Variants in FHIT observed in about 807,000 individuals in gnomAD.
FHIT encodes the protein bis(5'-adenosyl)-triphosphatase.
A neutral mutation model predicts 17.9 loss-of-function variants in FHIT; 19 were observed. The ratio of observed to expected loss-of-function variants is 1.06; its 90% CI spans 0.74 to 1.56. The LOEUF (loss-of-function observed/expected upper bound fraction) is 1.56, where lower values mean the gene tolerates loss of function less well. FHIT is among the 40% of genes most tolerant of loss of function. The pLI is 0.00. For missense variants in FHIT, 248 were observed against 189.2 expected, an observed-to-expected ratio of 1.31 and a Z score of -1.82; for synonymous variants, 81 against 69.7, an observed-to-expected ratio of 1.16 and a Z score of -0.81.
At chr3:60,858,689 GGA>G (rs1464602152) in intron 3 of FHIT, among the ~76,000 whole-genome samples, 1 of 152,036 alleles carries the variant, frequency 6.6e-6, no homozygotes, top group Admixed American at 6.6e-5. Context: ...ACCACTAATC[GGA>G]GACAGATGAG....
intron 3 of FHIT, among the ~76,000 whole-genome samples, chr3:60,902,484 T>C (rs1312084472): frequency 1.3e-5 from 2 of 152,236 alleles, no homozygotes; most frequent in African/African-American, 2.4e-5. Context: ...GTTCCAGAGA[T>C]GCCCATAGCC....
At chr3:60,526,275 G>A (rs957832193) in intron 5 of FHIT, among the ~76,000 whole-genome samples, 1 of 152,054 alleles carries the variant, frequency 6.6e-6, no homozygotes, top group Admixed American at 6.6e-5. Context: ...TTTCCAGGAA[G>A]GTAGTAAAGT....
At chr3:60,259,078 G>C (rs1386558952) in intron 5 of FHIT, among the ~76,000 whole-genome samples, 1 of 151,278 alleles carries the variant, frequency 6.6e-6, no homozygotes, top group Non-Finnish European at 1.5e-5. Flanking sequence ...GACCTACCTT[G>C]ATGTGGTTCC....
chr3:60,334,202 T>C (rs1000792865), intron 5 of FHIT, among the ~76,000 whole-genome samples: 4 of 152,222 alleles, frequency 2.6e-5, no homozygotes, highest in Admixed American at 1.3e-4. Context: ...AAAATAATTG[T>C]ATAGTTATAT....
intron 8 of FHIT, among the ~76,000 whole-genome samples, chr3:59,908,582 A>G (rs1406943735): frequency 6.6e-6 from 1 of 152,162 alleles, no homozygotes; most frequent in Non-Finnish European, 1.5e-5. Context: ...AAAGTGGATT[A>G]CTTGGACACC....
At chr3:60,483,492 G>C (rs1299715517) in intron 5 of FHIT, among the ~76,000 whole-genome samples, 1 of 152,170 alleles carries the variant, frequency 6.6e-6, no homozygotes, top group Non-Finnish European at 1.5e-5. Flanking sequence ...GATCAAGTCA[G>C]CTTCATTCCT....
chr3:60,266,853 T>C (rs1361597541), intron 5 of FHIT, among the ~76,000 whole-genome samples: 2 of 152,052 alleles, frequency 1.3e-5, no homozygotes, highest in African/African-American at 4.8e-5. Context: ...GTGAAGACTT[T>C]GGGGGCTAAG....
intron 8 of FHIT, among the ~76,000 whole-genome samples, chr3:59,781,510 A>G (rs1005979954): frequency 2.0e-5 from 3 of 152,186 alleles, no homozygotes; most frequent in Admixed American, 6.6e-5. Context: ...AACTTCTACC[A>G]AGTTACGAAT....
chr3:60,663,497 G>C (rs1217207827), intron 4 of FHIT, among the ~76,000 whole-genome samples: 1 of 152,038 alleles, frequency 6.6e-6, no homozygotes, highest in South Asian at 2.1e-4. Flanking sequence ...GTGCAGTGGT[G>C]CAATCTCGGC....
At position 60,682,148 on chromosome 3, in the gene FHIT, T is replaced by A. The variant is rs186576695; in HGVS notation, c.-18+139771A>T. On this transcript the variant is annotated intron_variant, in intron 4 of 9. Coordinates refer to ENST00000492590, the MANE Select transcript of FHIT (RefSeq NM_002012.4). ...CACTACGCCCTGCTAATTTTTTGTA[T>A]TTTTAGTAGAGACATGGTTTCCCCA... Among the ~76,000 whole-genome samples, 65 of 152,180 alleles carry A rather than the reference T, an allele frequency of 4.3e-4. 1 individual carries two copies. Among genetic ancestry groups the A allele is most frequent in the Admixed American group, 8.5e-4 (13 of 15,288 alleles).
chr3:59,785,637 T>C (rs1029481454), intron 8 of FHIT, among the ~76,000 whole-genome samples: 1 of 152,156 alleles, frequency 6.6e-6, no homozygotes, highest in Non-Finnish European at 1.5e-5. Context: ...CCTTTTTCAG[T>C]GCATGTATTC....
intron 1 of FHIT, among the ~76,000 whole-genome samples, chr3:61,206,774 T>C (rs938527210): frequency 9.9e-5 from 15 of 151,824 alleles, no homozygotes; most frequent in African/African-American, 3.6e-4. Context: ...ACAGGGACAA[T>C]TTGACTTCCT....
chr3:61,174,629 A>C (rs192251875), intron 2 of FHIT, among the ~76,000 whole-genome samples: 885 of 152,342 alleles, frequency 5.8e-3, no homozygotes, highest in Non-Finnish European at 9.9e-3. Context: ...TATTTTTCAC[A>C]TGCTATAGCC....
chr3:60,915,720 T>C (rs1194249166), intron 3 of FHIT, among the ~76,000 whole-genome samples: 2 of 152,094 alleles, frequency 1.3e-5, no homozygotes, highest in Non-Finnish European at 2.9e-5. Flanking sequence ...TGTTCTAAAA[T>C]AAAGTTATAA....
intron 3 of FHIT, among the ~76,000 whole-genome samples, chr3:60,925,536 G>A (rs1179122787): frequency 6.6e-6 from 1 of 152,168 alleles, no homozygotes; most frequent in Non-Finnish European, 1.5e-5. Context: ...CACCAGGCCT[G>A]CCTTACAAGA....
intron 8 of FHIT, among the ~76,000 whole-genome samples, chr3:59,834,573 T>C (rs1701276134): frequency 6.6e-6 from 1 of 152,168 alleles, no homozygotes; most frequent in Non-Finnish European, 1.5e-5. Flanking sequence ...GTGAGAACCC[T>C]CTTCCAGGTT....
chr3:60,066,802 A>G (rs1303074652), intron 5 of FHIT, among the ~76,000 whole-genome samples: 1 of 151,624 alleles, frequency 6.6e-6, no homozygotes, highest in Non-Finnish European at 1.5e-5. Flanking sequence ...AACAACAGGC[A>G]CCCACCACCA....
chr3:60,050,042 G>A (rs1320800866), intron 5 of FHIT, among the ~76,000 whole-genome samples: 1 of 152,096 alleles, frequency 6.6e-6, no homozygotes, highest in Non-Finnish European at 1.5e-5. Context: ...AATACTGAAA[G>A]TGTACATATT....
At chr3:60,794,207 T>A (rs1224415370) in intron 4 of FHIT, among the ~76,000 whole-genome samples, 2 of 152,182 alleles carry the variant, frequency 1.3e-5, no homozygotes, top group African/African-American at 2.4e-5. Flanking sequence ...ACATTCTTTT[T>A]AAAAATATGC....
Sources: allele counts gnomAD v4.1 joint callset (sites outside exome capture counted in the v4.1 genomes callset), GRCh38; gene constraint gnomAD v4.1.1; transcripts MANE v1.5; gene names NCBI Gene and HGNC (gene_info 2026-07-23, HGNC 2026-07-21).